ZNF141: variants seen among roughly 807,000 people sequenced by gnomAD.
The protein encoded by ZNF141 is zinc finger protein 141 (clone pHZ-44).
Under a neutral mutation model 11.3 loss-of-function variants are expected in ZNF141, and 7 were observed. The ratio of observed to expected loss-of-function variants is 0.62; its 90% CI spans 0.35 to 1.16. ZNF141 has a LOEUF of 1.16. ZNF141 is among the 50% of genes most tolerant of loss of function. The pLI is 0.02. For synonymous variants in ZNF141, 183 were observed against 190.7 expected, an observed-to-expected ratio of 0.96 and a Z score of 0.33; for missense variants, 535 against 554.0, an observed-to-expected ratio of 0.97 and a Z score of 0.34.
chr4:362,343 A>G (rs185123057), intron 3 of ZNF141, among the ~76,000 whole-genome samples: 3 of 152,244 alleles, frequency 2.0e-5, no homozygotes, highest in African/African-American at 7.2e-5. Context: ...GTTCACTCTG[A>G]TGGTAGTTTC....
At chr4:366,447 G>A (rs1711746026) in intron 3 of ZNF141, among the ~76,000 whole-genome samples, 1 of 151,296 alleles carries the variant, frequency 6.6e-6, no homozygotes, top group Non-Finnish European at 1.5e-5. Context: ...TAGCTGGGAT[G>A]ACAGGCGTGT....
chr4:343,090 T>G lies in ZNF141; in HGVS notation c.4-692T>G, dbSNP rs144239558. The G allele has an allele frequency of 1.5e-5, 9 of 608,444 alleles. No homozygotes were observed. In the Admixed American group the frequency reaches 2.7e-4, roughly 18 times the overall value. The allele number at this position is 608,444 out of a possible 1,614,324, so 37.7% of individuals were successfully genotyped here. On this transcript the variant is annotated intron_variant, in intron 1 of 3. Coordinates refer to ENST00000240499, the MANE Select transcript of ZNF141 (RefSeq NM_003441.4). Reference sequence around the variant, plus strand: ...GTATTTAAAAAGTTCCTTGCATGATTAAAAAAGTCCTTATGTTTTAAAATC... The same window carrying G: ...GTATTTAAAAAGTTCCTTGCATGATGAAAAAAGTCCTTATGTTTTAAAATC...
At chr4:365,956 T>C (rs1341024415) in intron 3 of ZNF141, among the ~76,000 whole-genome samples, 4 of 152,248 alleles carry the variant, frequency 2.6e-5, no homozygotes, top group Admixed American at 6.5e-5. Context: ...TCTAGTTTCA[T>C]GAATTTATTA....
chr4:346,895 C>T (rs868934901), intron 3 of ZNF141, among the ~76,000 whole-genome samples: 2 of 102,272 alleles, frequency 2.0e-5, no homozygotes, highest in East Asian at 2.7e-4. Flanking sequence ...ACACACACAC[C>T]GCCCCCCCCA....
In ZNF141 at chr4:376,817, T is replaced by G. The variant is rs1465625518; in HGVS notation, c.*2955T>G. On this transcript the variant is annotated 3_prime_UTR_variant, in exon 4 of 4. Transcript: ENST00000240499. Reference sequence around the variant, plus strand: ...ACTGGAAATCTAGAAGCCTGAAACATTCTATATTTTCTTCTTTTTATTTAA... The same window carrying G: ...ACTGGAAATCTAGAAGCCTGAAACAGTCTATATTTTCTTCTTTTTATTTAA... 6.6e-6 allele frequency among the ~76,000 whole-genome samples: 1 copy of G among 152,094 alleles called. No individual in the cohort carries two copies. Among genetic ancestry groups the G allele is most frequent in the Non-Finnish European group, 1.5e-5 (1 of 67,960 alleles).
chr4:373,588 A>T lies in ZNF141; in HGVS notation c.1151A>T (p.Glu384Val), dbSNP rs1712197054. The T allele has an allele frequency of 1.9e-6, 3 of 1,613,966 alleles. No individual in the cohort carries two copies. Among genetic ancestry groups the T allele is most frequent in the Non-Finnish European group, 2.5e-6 (3 of 1,179,972 alleles). ...KAFGRSRVLN[E>V]HKKIHTGEKP... ...TTTGGACGGTCCAGGGTCCTGAATG[A>T]ACATAAAAAAATTCATACTGGAGAG... The change falls in exon 4 of 4, where the codon GAA (glutamate) becomes GTA (valine). Residue 384 changes from glutamate (E) to valine (V), a missense_variant. Transcript: ENST00000240499.
intron 1 of ZNF141, among the ~76,000 whole-genome samples, chr4:340,928 A>G (rs1349303608): frequency 3.3e-5 from 5 of 152,164 alleles, no homozygotes; most frequent in Admixed American, 3.3e-4. Context: ...TTAAAAATAT[A>G]CTTGTAACTG....
intron 3 of ZNF141, among the ~76,000 whole-genome samples, chr4:368,728 T>A (rs1294197957): frequency 1.3e-5 from 2 of 152,238 alleles, no homozygotes; most frequent in Admixed American, 6.5e-5. Flanking sequence ...TTTATTGATT[T>A]AGGTGTTCAC....
chr4:348,999 A>T (rs1199328481), intron 3 of ZNF141, among the ~76,000 whole-genome samples: 1 of 152,072 alleles, frequency 6.6e-6, no homozygotes, highest in Non-Finnish European at 1.5e-5. Flanking sequence ...ATCTTATTGT[A>T]TTTAGTGTAT....
rs925883888 is a variant in ZNF141, at chr4:377,149, C to T, written c.*3287C>T. Among the ~76,000 whole-genome samples the T allele has an allele frequency of 3.2e-4, 49 of 152,064 alleles. No homozygotes were observed. Among genetic ancestry groups the T allele is most frequent in the Non-Finnish European group, 2.5e-4 (17 of 68,006 alleles). On this transcript the variant is annotated 3_prime_UTR_variant, in exon 4 of 4. Coordinates refer to ENST00000240499, the MANE Select transcript of ZNF141 (RefSeq NM_003441.4). ...TGTTTTCTTTAGTTATTGTTCCTTT[C>T]AGTTTTTGTAATTGACATAAATGAG...
chr4:374,077 C>A lies in ZNF141; in HGVS notation c.*215C>A. On this transcript the variant is annotated 3_prime_UTR_variant, in exon 4 of 4. Transcript: ENST00000240499. ...GAATATGGCAAAGCCTGTGAATGGT[C>A]CACAAACCTGAATGAGCAGAAGAAA... 1.7e-6 allele frequency: 1 copy of A among 580,446 alleles called. No individual in the cohort carries two copies. The highest frequency in any genetic ancestry group is 3.1e-6 in the Non-Finnish European group (1 of 327,692). The allele number at this position is 580,446 out of a possible 1,614,324, so 36.0% of individuals were successfully genotyped here. A position where few individuals can be genotyped will look rare whatever the true frequency, so the allele number is the denominator to read the frequency against.
chr4:372,201 T>G (rs1055882969), intron 3 of ZNF141, among the ~76,000 whole-genome samples: 3 of 152,218 alleles, frequency 2.0e-5, no homozygotes, highest in African/African-American at 7.2e-5. Context: ...CCTCCCAAAG[T>G]GTATCACCAT....
chr4:353,123 A>G (rs1721681951), intron 3 of ZNF141, among the ~76,000 whole-genome samples: 1 of 152,182 alleles, frequency 6.6e-6, no homozygotes, highest in South Asian at 2.1e-4. Flanking sequence ...CTGTAATCCT[A>G]GCACTTTGGA....
chr4:368,646 C>G (rs1553853160), intron 3 of ZNF141, among the ~76,000 whole-genome samples: 1 of 152,226 alleles, frequency 6.6e-6, no homozygotes, highest in Admixed American at 6.5e-5. Context: ...AGTAACAATG[C>G]TACAATAATT....
chr4:372,218 CA>C (rs1451486170), intron 3 of ZNF141, among the ~76,000 whole-genome samples: 1 of 152,214 alleles, frequency 6.6e-6, no homozygotes, highest in Non-Finnish European at 1.5e-5. Flanking sequence ...CCATTTCTAT[CA>C]GCACTCTGTG....
intron 3 of ZNF141, among the ~76,000 whole-genome samples, chr4:345,768 G>A (rs73792145): frequency 5.8e-4 from 81 of 139,544 alleles, no homozygotes; most frequent in African/African-American, 2.1e-3. Context: ...AAAAATTTTT[G>A]TGATATCCTC....
intron 1 of ZNF141, among the ~76,000 whole-genome samples, chr4:339,696 G>C (rs1402376193): frequency 1.3e-5 from 2 of 152,138 alleles, no homozygotes; most frequent in Non-Finnish European, 2.9e-5. Flanking sequence ...ATTTTAATCT[G>C]TTAACTAGGT....
rs1202618752 is a variant in ZNF141, at chr4:375,499, G to A, written c.*1637G>A. On this transcript the variant is annotated 3_prime_UTR_variant, in exon 4 of 4. Coordinates refer to ENST00000240499, the MANE Select transcript of ZNF141 (RefSeq NM_003441.4). ...GAAGAAATATTTAGTCTAAAAAGAA[G>A]AGTATGTAAACATCAGAGGATTTAC... Among the ~76,000 whole-genome samples, 2 of 151,980 alleles carry A rather than the reference G, an allele frequency of 1.3e-5. No individual in the cohort carries two copies. Among genetic ancestry groups the A allele is most frequent in the Non-Finnish European group, 2.9e-5 (2 of 67,912 alleles).
At chr4:340,695 C>T (rs1553848315) in intron 1 of ZNF141, among the ~76,000 whole-genome samples, 1 of 152,164 alleles carries the variant, frequency 6.6e-6, no homozygotes. Flanking sequence ...TAAAATGAGA[C>T]CACAGTCCTA....
Sources: allele counts gnomAD v4.1 joint callset (sites outside exome capture counted in the v4.1 genomes callset), GRCh38; gene constraint gnomAD v4.1.1; transcripts MANE v1.5; gene names NCBI Gene and HGNC (gene_info 2026-07-23, HGNC 2026-07-21).